PRELID2: variants seen among roughly 807,000 people sequenced by gnomAD.
PRELID2 encodes the protein PRELI domain containing 2.
A neutral mutation model predicts 28.4 loss-of-function variants in PRELID2; 25 were observed. That is an observed-to-expected ratio of 0.88 (90% confidence interval 0.64 to 1.23). PRELID2 has a LOEUF of 1.23. Ranked by LOEUF, PRELID2 falls within the 50% of genes most tolerant of loss-of-function variation. The pLI is 0.00. For synonymous variants in PRELID2, 76 were observed against 71.6 expected, an observed-to-expected ratio of 1.06 and a Z score of -0.31; for missense variants, 201 against 214.4, an observed-to-expected ratio of 0.94 and a Z score of 0.39.
the PRELID2 span, among the ~76,000 whole-genome samples, chr5:145,395,340 A>G: frequency 2.6e-5 from 4 of 152,190 alleles, no homozygotes; most frequent in African/African-American, 9.7e-5. Flanking sequence ...GTTTGACACT[A>G]AAAAGACTGG....
intron 1 of PRELID2, among the ~76,000 whole-genome samples, chr5:145,505,543 G>T (rs1752403820): frequency 6.6e-6 from 1 of 151,876 alleles, no homozygotes; most frequent in Non-Finnish European, 1.5e-5. Context: ...TCAACATTTT[G>T]ATCTTTTCAA....
At chr5:145,326,889 A>C in the PRELID2 span, among the ~76,000 whole-genome samples, 1 of 152,168 alleles carries the variant, frequency 6.6e-6, no homozygotes, top group Admixed American at 6.5e-5. Context: ...TGTTTTTCTA[A>C]GAGCATAAAG....
chr5:145,319,441 G>A, the PRELID2 span, among the ~76,000 whole-genome samples: 1 of 152,064 alleles, frequency 6.6e-6, no homozygotes, highest in Admixed American at 6.5e-5. Flanking sequence ...GGCTGGGGTG[G>A]GTGGATTGCC....
intron 1 of PRELID2, among the ~76,000 whole-genome samples, chr5:145,606,831 G>C (rs1252577647): frequency 1.3e-5 from 2 of 152,070 alleles, no homozygotes; most frequent in Admixed American, 1.3e-4. Flanking sequence ...AGTTTTAGTA[G>C]GAATTTTACC....
At chr5:145,731,727 CCT>C (rs1251552926) in intron 1 of PRELID2, among the ~76,000 whole-genome samples, 10 of 152,282 alleles carry the variant, frequency 6.6e-5, no homozygotes, top group African/African-American at 1.2e-4. Context: ...AATACCTGCG[CCT>C]CTTTCTATAA....
chr5:145,270,118 C>T, the PRELID2 span, among the ~76,000 whole-genome samples: 2 of 151,764 alleles, frequency 1.3e-5, no homozygotes, highest in South Asian at 2.1e-4. Flanking sequence ...GCAACCACAT[C>T]TGTCATACAT....
At chr5:145,641,327 T>G (rs1356652370) in intron 1 of PRELID2, among the ~76,000 whole-genome samples, 1 of 152,072 alleles carries the variant, frequency 6.6e-6, no homozygotes, top group Non-Finnish European at 1.5e-5. Context: ...TAAAAGATAT[T>G]AGCAGACAGG....
At chr5:145,380,063 T>G in the PRELID2 span, among the ~76,000 whole-genome samples, 2 of 152,206 alleles carry the variant, frequency 1.3e-5, no homozygotes, top group African/African-American at 4.8e-5. Flanking sequence ...GCCATGCTCC[T>G]GCACCAAACC....
chr5:145,792,609 T>C (rs35472141), intron 5 of PRELID2, among the ~76,000 whole-genome samples: 1 of 152,210 alleles, frequency 6.6e-6, no homozygotes, highest in Admixed American at 6.5e-5. Flanking sequence ...TTCTTACTTG[T>C]GTCTCCAGCA....
At chr5:145,723,604 A>AT (rs1327029669) in intron 1 of PRELID2, among the ~76,000 whole-genome samples, 1 of 152,222 alleles carries the variant, frequency 6.6e-6, no homozygotes, top group Non-Finnish European at 1.5e-5. Flanking sequence ...AACTATTTTA[A>AT]TTTTACTCAT....
chr5:145,752,763 T>A (rs1757157873), downstream of PRELID2, among the ~76,000 whole-genome samples: 2 of 152,206 alleles, frequency 1.3e-5, no homozygotes, highest in Admixed American at 6.5e-5. Context: ...ATTAAACCCT[T>A]CCTGCCTGCT....
the PRELID2 span, among the ~76,000 whole-genome samples, chr5:145,317,420 A>G: frequency 6.6e-6 from 1 of 152,302 alleles, no homozygotes; most frequent in South Asian, 2.1e-4. Flanking sequence ...AGCAAGCCCT[A>G]TATTGTAGAC....
chr5:145,796,651 AT>A, intron 4 of PRELID2, 104 bp from the exon 5 acceptor site: 1 of 543,130 alleles, frequency 1.8e-6, no homozygotes, highest in Non-Finnish European at 3.1e-6. Flanking sequence ...TCAATAAAAA[AT>A]AATATCCTTA....
the PRELID2 span, among the ~76,000 whole-genome samples, chr5:145,263,806 A>G: frequency 6.6e-6 from 1 of 152,010 alleles, no homozygotes; most frequent in Non-Finnish European, 1.5e-5. Context: ...GAAAATCTGA[A>G]CAGACTAATA....
At chr5:145,761,991 G>A (rs1757498650) in intron 6 of PRELID2, among the ~76,000 whole-genome samples, 1 of 152,072 alleles carries the variant, frequency 6.6e-6, no homozygotes, top group Admixed American at 6.6e-5. Flanking sequence ...TGGGAGAAAA[G>A]GAAAGGAATA....
chr5:145,284,689 T>C, the PRELID2 span, among the ~76,000 whole-genome samples: 1 of 152,044 alleles, frequency 6.6e-6, no homozygotes, highest in Non-Finnish European at 1.5e-5. Flanking sequence ...GCTATTTAAA[T>C]CCCAACTTTC....
At chr5:145,750,904 CTAAT>C (rs752033230) in intron 1 of PRELID2, among the ~76,000 whole-genome samples, 3 of 152,158 alleles carry the variant, frequency 2.0e-5, no homozygotes, top group Non-Finnish European at 4.4e-5. Context: ...CCCTTCAAGA[CTAAT>C]TATACCAATT....
the PRELID2 span, among the ~76,000 whole-genome samples, chr5:145,456,411 C>T: frequency 1.3e-5 from 2 of 152,262 alleles, no homozygotes; most frequent in South Asian, 2.1e-4. Context: ...CACTTTAGAG[C>T]CTCTGGATAG....
Position 145,814,024 on chromosome 5 carries a change from AAAC to A in PRELID2, c.368+3867_368+3869del, listed in dbSNP as rs370504777. Among the ~76,000 whole-genome samples the A allele has an allele frequency of 3.8e-3, 575 of 152,368 alleles. 3 individuals carry two copies. The highest frequency in any genetic ancestry group is 6.6e-3 in the Non-Finnish European group (446 of 68,032). On this transcript the variant is annotated intron_variant, in intron 4 of 6. Transcript: ENST00000683046. ...AACAGACCAAGAAAATCATGTAAAC[AAAC>A]AATATCTCCAGGTATGATTAATTTT...
Sources: allele counts gnomAD v4.1 joint callset (sites outside exome capture counted in the v4.1 genomes callset), GRCh38; gene constraint gnomAD v4.1.1; transcripts MANE v1.5; gene names NCBI Gene and HGNC (gene_info 2026-07-23, HGNC 2026-07-21).